The following LAMA4 variants were observed in gnomAD, a reference collection of about 807,000 sequenced individuals.
LAMA4 encodes the protein laminin subunit alpha-4.
In LAMA4, 127 loss-of-function variants were observed where a neutral mutation model predicts 207.1. That is an observed-to-expected ratio of 0.61 (90% confidence interval 0.53 to 0.71). The LOEUF is 0.71. LAMA4 is among the 30% of genes least tolerant of loss of function. LAMA4 has a pLI of 0.00. For synonymous variants in LAMA4, 761 were observed against 816.0 expected, an observed-to-expected ratio of 0.93 and a Z score of 1.15; for missense variants, 2,093 against 2,246.5, an observed-to-expected ratio of 0.93 and a Z score of 1.38.
intron 31 of LAMA4, among the ~76,000 whole-genome samples, chr6:112,123,085 G>A (rs1264965420): frequency 6.6e-6 from 1 of 152,164 alleles, no homozygotes; most frequent in African/African-American, 2.4e-5. Flanking sequence ...GACCTTAGAT[G>A]ATTGCTGGAA....
chr6:112,186,397 T>G (rs1782685957), intron 8 of LAMA4, among the ~76,000 whole-genome samples: 1 of 152,206 alleles, frequency 6.6e-6, no homozygotes, highest in Non-Finnish European at 1.5e-5. Flanking sequence ...AGCAAAACAA[T>G]GTGCTGGTAT....
chr6:112,216,557 T>G, intron 2 of LAMA4, 88 bp from the exon 3 acceptor site: 1 of 848,806 alleles, frequency 1.2e-6, no homozygotes, highest in Non-Finnish European at 2.0e-6. Context: ...AAAGTGATTA[T>G]TAAACAATCT....
rs1778397377 is a variant in LAMA4 at position 112,122,124 on chromosome 6, A to C, written c.4365T>G (p.Ser1455=). Residue 1455 remains serine, a synonymous_variant, in exon 32 of 39, where the codon TCT becomes TCG. Transcript: ENST00000230538. ...TAGGGCTGTTGGAAAGGTGGCAATGAGAGTTTCTTGGAGTATTCCGCTCTG... is the reference window on the plus strand; with the variant it reads ...TAGGGCTGTTGGAAAGGTGGCAATGCGAGTTTCTTGGAGTATTCCGCTCTG... ...KLPERNTPRN[S]HCHLSNSPRA... 5 of 1,613,880 alleles carry C rather than the reference A, an allele frequency of 3.1e-6. No homozygotes were observed. The highest frequency in any genetic ancestry group is 4.2e-6 in the Non-Finnish European group (5 of 1,179,842).
intron 2 of LAMA4, among the ~76,000 whole-genome samples, chr6:112,226,543 C>T (rs7749969): frequency 0.01 from 1,598 of 152,252 alleles, 33 homozygotes; most frequent in African/African-American, 0.037. Flanking sequence ...TCAGAGCACA[C>T]GGAACATGAC....
chr6:112,124,661 A>C (rs587597772), intron 31 of LAMA4, among the ~76,000 whole-genome samples: 1 of 152,032 alleles, frequency 6.6e-6, no homozygotes, highest in Admixed American at 6.5e-5. Flanking sequence ...TGATAGTACT[A>C]GTTCAATTTA....
chr6:112,224,537 T>C (rs1310335277), intron 2 of LAMA4, among the ~76,000 whole-genome samples: 1 of 152,176 alleles, frequency 6.6e-6, no homozygotes, highest in Admixed American at 6.5e-5. Flanking sequence ...TGTTGATGGC[T>C]GGGTGCGGTG....
At chr6:112,227,962 T>C (rs1785317213) in intron 2 of LAMA4, among the ~76,000 whole-genome samples, 1 of 152,210 alleles carries the variant, frequency 6.6e-6, no homozygotes, top group South Asian at 2.1e-4. Flanking sequence ...ATCCTCAAAA[T>C]AGTGCACAAT....
At chr6:112,238,032 A>G (rs1554366688) in intron 2 of LAMA4, among the ~76,000 whole-genome samples, 1 of 152,182 alleles carries the variant, frequency 6.6e-6, no homozygotes, top group African/African-American at 2.4e-5. Context: ...TTCCCTTTCC[A>G]GAAGAAACTC....
In LAMA4 at chr6:112,249,504, T is replaced by C. The variant is rs535267232; in HGVS notation, c.195+4452A>G. On this transcript the variant is annotated intron_variant, in intron 2 of 38. Transcript: ENST00000230538. ...AACTTTGACTAGAAGTATTCCTATA[T>C]ATATTTCTATTTACCTAATCACCTC... 3.4e-5 allele frequency among the ~76,000 whole-genome samples: 5 copies of C among 145,252 alleles called. No individual in the cohort carries two copies. In the South Asian group the frequency reaches 1.1e-3, roughly 32 times the overall value.
rs1285721462 is a variant in LAMA4 at position 112,118,714 on chromosome 6, T to C, written c.4821+442A>G. Reference sequence around the variant, plus strand: ...TATACATTTACAAATTGTGTGTGTGTGTGTGTATGTGTGTGTGTGTGTGTG... The same window carrying C: ...TATACATTTACAAATTGTGTGTGTGCGTGTGTATGTGTGTGTGTGTGTGTG... On this transcript the variant is annotated intron_variant, in intron 34 of 38. Coordinates refer to ENST00000230538, the MANE Select transcript of LAMA4 (RefSeq NM_001105206.3). The surrounding 1 kb of genome is among the most constrained non-coding windows in gnomAD (Gnocchi z 4.6). Among the ~76,000 whole-genome samples, 1 of 97,182 alleles carries C rather than the reference T, an allele frequency of 1.0e-5. No homozygotes were observed. Among genetic ancestry groups the C allele is most frequent in the Non-Finnish European group, 2.1e-5 (1 of 48,330 alleles). 63.8% of individuals were successfully genotyped at this position (97,182 alleles called of 152,430 possible). A position where few individuals can be genotyped will look rare whatever the true frequency, so the allele number is the denominator to read the frequency against.
At chr6:112,163,307 T>C (rs921505603) in intron 13 of LAMA4, among the ~76,000 whole-genome samples, 4 of 151,834 alleles carry the variant, frequency 2.6e-5, no homozygotes, top group Non-Finnish European at 2.9e-5. Context: ...AGAATATATC[T>C]TACATATTTA....
intron 25 of LAMA4, among the ~76,000 whole-genome samples, chr6:112,134,993 C>CAG (rs1562645822): frequency 5.3e-5 from 8 of 151,776 alleles, no homozygotes; most frequent in Non-Finnish European, 8.8e-5. Context: ...AAGAACTACA[C>CAG]ATATTTTATG....
intron 26 of LAMA4, among the ~76,000 whole-genome samples, chr6:112,134,159 G>A (rs1779198034): frequency 6.6e-6 from 1 of 152,298 alleles, no homozygotes; most frequent in Non-Finnish European, 1.5e-5. Context: ...GACAAATGCT[G>A]TTTTGTCTTC....
In LAMA4 at chr6:112,157,746, G is replaced by A. The variant is rs141461519; in HGVS notation, c.1817+986C>T. Among the ~76,000 whole-genome samples, 420 of 152,244 alleles carry A rather than the reference G, an allele frequency of 2.8e-3. 2 individuals are homozygous for A. Among genetic ancestry groups the A allele is most frequent in the African/African-American group, 9.6e-3 (400 of 41,536 alleles). On this transcript the variant is annotated intron_variant, in intron 14 of 38. Transcript: ENST00000230538. ...AGATGGATCTCAAAAACAACATTCTGCTAATATAGTATATTATCAAAATAG... is the reference window on the plus strand; with the variant it reads ...AGATGGATCTCAAAAACAACATTCTACTAATATAGTATATTATCAAAATAG...
Position 112,191,656 on chromosome 6 carries a change from C to T in LAMA4, c.698G>A (p.Arg233Lys). Residue 233 changes from arginine to lysine, a missense_variant, in exon 6 of 39, where the codon AGG becomes AAG. Arg to Lys is a conservative substitution (Grantham distance 26, BLOSUM62 2). This residue lies in a region of LAMA4 where 1,704 missense variants were observed against 1,788.4 expected (regional missense o/e 0.95). Coordinates refer to ENST00000230538, the MANE Select transcript of LAMA4 (RefSeq NM_001105206.3). ...RCAPGYYGDA[R>K]IAKNCAVCNC... is the part of the protein sequence containing the mutation. ...TGCACCTGCACAGTTCTTGGCTATC[C>T]TGGCGTCCCCATAGTAGCCAGGAGC... The T allele has an allele frequency of 6.2e-7, 1 of 1,613,928 alleles. No individual in the cohort carries two copies. The highest frequency in any genetic ancestry group is 1.1e-5 in the South Asian group (1 of 91,066).
At chr6:112,225,016 T>A (rs191077525) in intron 2 of LAMA4, among the ~76,000 whole-genome samples, 13 of 151,772 alleles carry the variant, frequency 8.6e-5, no homozygotes, top group Non-Finnish European at 1.6e-4. Flanking sequence ...CTTCTGCTGC[T>A]TCTACATTGC....
At chr6:112,155,000 A>C in intron 15 of LAMA4, 53 bp from the exon 16 acceptor site, 1 of 1,194,562 alleles carries the variant, frequency 8.4e-7, no homozygotes, top group Admixed American at 1.7e-5. Context: ...GAAATCAGCT[A>C]TTCATAGTTG....
rs74295771 is a variant in LAMA4, at chr6:112,155,326, T to C, written c.1959+239A>G. The C allele has an allele frequency of 1.8e-4, 105 of 579,498 alleles. 2 individuals are homozygous for C. The East Asian group carries it at 2.1e-3, about 12-fold the overall frequency. 35.9% of individuals were successfully genotyped at this position (579,498 alleles called of 1,614,324 possible). On this transcript the variant is annotated intron_variant, in intron 15 of 38. Transcript: ENST00000230538. ...TACATATTTTTTTTTTCAGGGACTT[T>C]GGCTAAAAAAATAAACTGTCAAAGG...
intron 13 of LAMA4, among the ~76,000 whole-genome samples, chr6:112,160,525 G>A (rs1780992833): frequency 6.6e-6 from 1 of 152,126 alleles, no homozygotes; most frequent in East Asian, 1.9e-4. Context: ...TTGACACAGT[G>A]CACTTTACAG....
Sources: allele counts gnomAD v4.1 joint callset (sites outside exome capture counted in the v4.1 genomes callset), GRCh38; gene constraint gnomAD v4.1.1; regional missense constraint gnomAD v4.1.1; non-coding constraint Gnocchi (gnomAD v3.1); transcripts MANE v1.5; gene names NCBI Gene and HGNC (gene_info 2026-07-23, HGNC 2026-07-21).